MALRD1: variants seen among roughly 807,000 people sequenced by gnomAD.
MALRD1 encodes MAM and LDL-receptor class A domain-containing protein 1.
MALRD1 carries 247 observed loss-of-function variants against 242.1 expected under a neutral mutation model. The observed-to-expected ratio is 1.02, with a 90% CI of 0.92 to 1.13. The LOEUF (loss-of-function observed/expected upper bound fraction) is 1.13. MALRD1 is among the 50% of genes most tolerant of loss of function. The pLI, the probability that MALRD1 is intolerant of heterozygous loss-of-function variation, is 0.00. For missense variants in MALRD1, 2,989 were observed against 2,533.1 expected (o/e 1.18, Z -3.86); for synonymous variants, 995 against 866.6 (o/e 1.15, Z -2.60).
chr10:19,669,077 A>G (rs1051416716), intron 36 of MALRD1, among the ~76,000 whole-genome samples: 3 of 152,236 alleles, frequency 2.0e-5, no homozygotes, highest in Admixed American at 6.5e-5. Flanking sequence ...ACATAAAAAG[A>G]TTCATGAATA....
intron 21 of MALRD1, among the ~76,000 whole-genome samples, chr10:19,300,998 A>C (rs1335267183): frequency 6.6e-6 from 1 of 152,052 alleles, no homozygotes; most frequent in African/African-American, 2.4e-5. Flanking sequence ...TAAGGAACTT[A>C]AAGAAATCAA....
intron 36 of MALRD1, among the ~76,000 whole-genome samples, chr10:19,627,800 A>ATAAT (rs145307864): frequency 0.06 from 9,051 of 149,998 alleles, 664 homozygotes; most frequent in African/African-American, 0.18. Flanking sequence ...AGAAAAAACA[A>ATAAT]TAATAGGCCA....
intron 21 of MALRD1, among the ~76,000 whole-genome samples, chr10:19,314,911 T>C (rs1842579499): frequency 6.6e-6 from 1 of 150,728 alleles, no homozygotes; most frequent in South Asian, 2.1e-4. Flanking sequence ...GATAAAGAGG[T>C]TTCATAGAAT....
intron 30 of MALRD1, among the ~76,000 whole-genome samples, chr10:19,497,801 T>C (rs1421457573): frequency 1.3e-5 from 2 of 152,110 alleles, no homozygotes; most frequent in Non-Finnish European, 2.9e-5. Context: ...TAATAACTGA[T>C]GTACAAAAAA....
intron 28 of MALRD1, among the ~76,000 whole-genome samples, chr10:19,435,155 C>T (rs778527998): frequency 1.3e-5 from 2 of 149,296 alleles, no homozygotes; most frequent in South Asian, 2.1e-4. Context: ...TTTATAATAT[C>T]CTATTTATAT....
At chr10:19,553,498 T>G (rs1589232707) in intron 32 of MALRD1, among the ~76,000 whole-genome samples, 1 of 152,114 alleles carries the variant, frequency 6.6e-6, no homozygotes, top group African/African-American at 2.4e-5. Context: ...TTTAAAAAAT[T>G]TTATACTTTT....
chr10:19,701,533 G>A (rs1479193332), intron 38 of MALRD1, among the ~76,000 whole-genome samples: 2 of 152,102 alleles, frequency 1.3e-5, no homozygotes, highest in Admixed American at 6.6e-5. Flanking sequence ...CACCCTGGAC[G>A]AAGGGAGCAG....
chr10:19,244,379 C>T (rs1292854730), intron 18 of MALRD1, among the ~76,000 whole-genome samples: 1 of 151,938 alleles, frequency 6.6e-6, no homozygotes, highest in South Asian at 2.1e-4. Flanking sequence ...TTGAGACCTG[C>T]CTGGGAAAGA....
chr10:19,618,769 C>T (rs1449432531), intron 36 of MALRD1, among the ~76,000 whole-genome samples: 2 of 152,040 alleles, frequency 1.3e-5, no homozygotes, highest in Non-Finnish European at 2.9e-5. Context: ...CTTTACTTTT[C>T]ACCTTTTCGT....
intron 28 of MALRD1, among the ~76,000 whole-genome samples, chr10:19,424,935 GA>G (rs150923932): frequency 0.047 from 6,770 of 143,950 alleles, 406 homozygotes; most frequent in African/African-American, 0.14. Flanking sequence ...GAGTGAAATG[GA>G]AAAAAAAAAT....
intron 29 of MALRD1, among the ~76,000 whole-genome samples, chr10:19,485,018 T>C (rs1837175812): frequency 6.6e-6 from 1 of 152,168 alleles, no homozygotes; most frequent in Non-Finnish European, 1.5e-5. Flanking sequence ...ATAAGGTCTT[T>C]TGCAGCAACT....
At chr10:19,450,528 T>G (rs1311359440) in intron 29 of MALRD1, 38 bp downstream of exon 29, 1 of 1,507,104 alleles carries the variant, frequency 6.6e-7, no homozygotes. Context: ...GGAAGCACAT[T>G]TTTAATCTAG....
At chr10:19,470,352 G>A (rs1176170103) in intron 29 of MALRD1, among the ~76,000 whole-genome samples, 2 of 151,878 alleles carry the variant, frequency 1.3e-5, no homozygotes, top group African/African-American at 4.8e-5. Context: ...TCCATCCATG[G>A]ACATTTAGGT....
chr10:19,385,962 T>C (rs1032336573), intron 26 of MALRD1, among the ~76,000 whole-genome samples: 2 of 152,122 alleles, frequency 1.3e-5, no homozygotes, highest in African/African-American at 4.8e-5. Flanking sequence ...AAAAAAATTT[T>C]GTCATAGACA....
At chr10:19,489,432 C>T (rs541548685) in intron 29 of MALRD1, 3 of 585,364 alleles carry the variant, frequency 5.1e-6, no homozygotes, top group South Asian at 4.1e-5. Context: ...ATCAGTGGTC[C>T]CTGTCTCCCT....
chr10:19,456,426 T>C (rs944807455), intron 29 of MALRD1, among the ~76,000 whole-genome samples: 6 of 152,136 alleles, frequency 3.9e-5, no homozygotes, highest in African/African-American at 1.4e-4. Context: ...GAGTGAAAAA[T>C]AGTGGCATGA....
chr10:19,355,859 T>TATATATATATATATATAC lies in MALRD1; in HGVS notation c.4441+3568_4441+3569insATATATATATACATATAT, dbSNP rs1348787430. Reference sequence around the variant, plus strand: ...GAACATATATTATATATATATATATTATATATGATATATATTAGCTAAGCA... The same window carrying TATATATATATATATATAC: ...GAACATATATTATATATATATATATTATATATATATATATATACATATATGATATATATTAGCTAAGCA... On this transcript the variant is annotated intron_variant, in intron 26 of 39. Transcript: ENST00000454679. Among the ~76,000 whole-genome samples, 133 of 18,250 alleles carry TATATATATATATATATAC rather than the reference T, an allele frequency of 7.3e-3. 3 individuals are homozygous for TATATATATATATATATAC. Among genetic ancestry groups the TATATATATATATATATAC allele is most frequent in the Middle Eastern group, 0.071 (3 of 42 alleles). 12.0% of individuals were successfully genotyped at this position (18,250 alleles called of 152,430 possible).
At chr10:19,285,211 A>G (rs1588851343) in intron 21 of MALRD1, among the ~76,000 whole-genome samples, 2 of 143,612 alleles carry the variant, frequency 1.4e-5, no homozygotes, top group East Asian at 2.1e-4. Context: ...TTTCCTGTTC[A>G]CTCTGATGGT....
rs559160507 is a variant in MALRD1 at position 19,654,691 on chromosome 10, G to A, written c.6138-37591G>A. On this transcript the variant is annotated intron_variant, in intron 36 of 39. Coordinates refer to ENST00000454679, the MANE Select transcript of MALRD1 (RefSeq NM_001142308.3). ...AGCTTAGGAAACAAAGTTCCTGAAAGAAACTACCTTTGTTGTTGAGTACAG... is the reference window on the plus strand; with the variant it reads ...AGCTTAGGAAACAAAGTTCCTGAAAAAAACTACCTTTGTTGTTGAGTACAG... 3.5e-4 allele frequency among the ~76,000 whole-genome samples: 53 copies of A among 152,266 alleles called. No individual in the cohort carries two copies. The South Asian group carries it at 9.7e-3, about 28-fold the overall frequency.
Sources: allele counts gnomAD v4.1 joint callset (sites outside exome capture counted in the v4.1 genomes callset), GRCh38; gene constraint gnomAD v4.1.1; transcripts MANE v1.5; gene names NCBI Gene and HGNC (gene_info 2026-07-23, HGNC 2026-07-21).